BMPR1B: variants seen among roughly 807,000 people sequenced by gnomAD.
BMPR1B encodes bone morphogenetic protein receptor type-1B.
In BMPR1B, 12 loss-of-function variants were observed where a neutral mutation model predicts 59.1. The observed-to-expected ratio is 0.20, with a 90% CI of 0.13 to 0.33. The LOEUF (loss-of-function observed/expected upper bound fraction) is 0.33, where lower values mean the gene tolerates loss of function less well. Ranked by LOEUF, BMPR1B falls within the 10% of genes least tolerant of loss-of-function variation. BMPR1B has a pLI of 1.00. For synonymous variants in BMPR1B, 237 were observed against 207.3 expected (o/e 1.14, Z -1.23); for missense variants, 550 against 610.9 (o/e 0.90, Z 1.05).
At chr4:94,968,013 A>G (rs1446436002) in intron 2 of BMPR1B, among the ~76,000 whole-genome samples, 1 of 152,164 alleles carries the variant, frequency 6.6e-6, no homozygotes, top group East Asian at 1.9e-4. Context: ...TGATAATAAC[A>G]TTTTGGTAGT....
chr4:94,991,936 C>T (rs969056907), intron 2 of BMPR1B, among the ~76,000 whole-genome samples: 23 of 152,192 alleles, frequency 1.5e-4, no homozygotes, highest in Middle Eastern at 3.2e-3. Flanking sequence ...GTCTTCATCT[C>T]TCCAGGATTC....
intron 3 of BMPR1B, among the ~76,000 whole-genome samples, chr4:95,100,814 T>C (rs566955713): frequency 1.3e-5 from 2 of 152,326 alleles, no homozygotes; most frequent in Non-Finnish European, 1.5e-5. Context: ...TAAAGTTCTT[T>C]ACTTGTTATT....
intron 1 of BMPR1B, among the ~76,000 whole-genome samples, chr4:94,794,796 T>A (rs1047087149): frequency 1.3e-5 from 2 of 150,664 alleles, no homozygotes; most frequent in African/African-American, 4.9e-5. Flanking sequence ...GAATGGGAGT[T>A]CACTCATGAT....
chr4:95,032,830 G>T (rs1411941566), intron 3 of BMPR1B, among the ~76,000 whole-genome samples: 1 of 152,126 alleles, frequency 6.6e-6, no homozygotes, highest in Admixed American at 6.6e-5. Flanking sequence ...GAATAATGCT[G>T]CTGTGAACAT....
intron 8 of BMPR1B, among the ~76,000 whole-genome samples, chr4:95,129,287 T>G (rs913433029): frequency 2.0e-5 from 3 of 152,290 alleles, no homozygotes; most frequent in Middle Eastern, 3.4e-3. Flanking sequence ...AGTCAGAGTT[T>G]AAACTCTGGA....
At chr4:94,918,527 T>G (rs1271806566) in intron 2 of BMPR1B, among the ~76,000 whole-genome samples, 1 of 151,944 alleles carries the variant, frequency 6.6e-6, no homozygotes, top group Admixed American at 6.6e-5. Context: ...AATTAAAAAA[T>G]TAGCCAGGCA....
intron 3 of BMPR1B, among the ~76,000 whole-genome samples, chr4:95,011,155 G>C (rs1723199423): frequency 6.6e-6 from 1 of 151,938 alleles, no homozygotes; most frequent in African/African-American, 2.4e-5. Flanking sequence ...TTGGGTCACG[G>C]TGGTTTGTTG....
chr4:94,974,069 A>G (rs1030643743), intron 2 of BMPR1B, among the ~76,000 whole-genome samples: 2 of 152,168 alleles, frequency 1.3e-5, no homozygotes, highest in Non-Finnish European at 2.9e-5. Context: ...TGAGCACTGA[A>G]TATTATTAAA....
intron 1 of BMPR1B, among the ~76,000 whole-genome samples, chr4:94,779,816 A>G (rs1371943145): frequency 2.6e-5 from 4 of 152,006 alleles, no homozygotes; most frequent in Non-Finnish European, 5.9e-5. Flanking sequence ...TGGGTGACAG[A>G]GTGAGACTCC....
At chr4:94,930,101 A>T (rs1434457073) in intron 2 of BMPR1B, among the ~76,000 whole-genome samples, 1 of 152,076 alleles carries the variant, frequency 6.6e-6, no homozygotes, top group Non-Finnish European at 1.5e-5. Flanking sequence ...TTTCACCGGA[A>T]TCACCACAAC....
chr4:94,847,557 A>G (rs1056221944), intron 1 of BMPR1B, among the ~76,000 whole-genome samples: 6 of 152,186 alleles, frequency 3.9e-5, no homozygotes, highest in African/African-American at 1.4e-4. Flanking sequence ...TACCAGATGA[A>G]TGGATAAGGA....
At chr4:95,147,140 C>G (rs1734709026) in intron 10 of BMPR1B, among the ~76,000 whole-genome samples, 3 of 151,814 alleles carry the variant, frequency 2.0e-5, no homozygotes, top group African/African-American at 7.3e-5. Context: ...ATTATTGCAC[C>G]TAGAAAACCA....
chr4:94,818,844 C>T (rs956678400), intron 1 of BMPR1B, among the ~76,000 whole-genome samples: 1 of 152,094 alleles, frequency 6.6e-6, no homozygotes, highest in Non-Finnish European at 1.5e-5. Flanking sequence ...TTAATTTTCT[C>T]TTATAGGCTA....
At chr4:94,958,568 G>A (rs1730242196) in intron 2 of BMPR1B, among the ~76,000 whole-genome samples, 1 of 152,100 alleles carries the variant, frequency 6.6e-6, no homozygotes, top group Admixed American at 6.6e-5. Flanking sequence ...AAGAACGCCA[G>A]TCATGTTGGG....
At chr4:94,895,280 A>T (rs1200761697) in intron 2 of BMPR1B, among the ~76,000 whole-genome samples, 3 of 152,018 alleles carry the variant, frequency 2.0e-5, no homozygotes, top group African/African-American at 7.2e-5. Flanking sequence ...TGAATAGGCT[A>T]AATGCTCTAC....
At chr4:95,073,410 A>C (rs1479924174) in intron 3 of BMPR1B, among the ~76,000 whole-genome samples, 1 of 152,166 alleles carries the variant, frequency 6.6e-6, no homozygotes, top group African/African-American at 2.4e-5. Flanking sequence ...TCCAGTGTGA[A>C]AACCCTTTTT....
intron 2 of BMPR1B, among the ~76,000 whole-genome samples, chr4:94,912,195 C>T (rs1032777981): frequency 6.6e-6 from 1 of 152,070 alleles, no homozygotes; most frequent in Non-Finnish European, 1.5e-5. Flanking sequence ...CCCACCGGGT[C>T]CCTCCAACAA....
intron 1 of BMPR1B, among the ~76,000 whole-genome samples, chr4:94,873,025 C>T (rs1726563678): frequency 6.6e-6 from 1 of 152,164 alleles, no homozygotes; most frequent in Admixed American, 6.5e-5. Flanking sequence ...TTCACATTTA[C>T]CTGATGTGCT....
At chr4:95,042,023 A>T (rs1449488557) in intron 3 of BMPR1B, among the ~76,000 whole-genome samples, 1 of 152,010 alleles carries the variant, frequency 6.6e-6, no homozygotes, top group African/African-American at 2.4e-5. Context: ...CGCCCGGCTA[A>T]TTTTTTATAT....
Sources: allele counts gnomAD v4.1 joint callset (sites outside exome capture counted in the v4.1 genomes callset), GRCh38; gene constraint gnomAD v4.1.1; transcripts MANE v1.5; gene names NCBI Gene and HGNC (gene_info 2026-07-23, HGNC 2026-07-21).